The following COMMD1 variants were observed in gnomAD, a reference collection of about 807,000 sequenced individuals.
COMMD1 encodes the protein COMM domain-containing protein 1.
COMMD1 carries 10 observed loss-of-function variants against 17.2 expected under a neutral mutation model. The ratio of observed to expected loss-of-function variants is 0.58; its 90% CI spans 0.36 to 0.99. The LOEUF is 0.99. COMMD1 is among the 50% of genes least tolerant of loss of function. COMMD1 has a pLI of 0.01. For missense variants in COMMD1, 270 were observed against 231.8 expected (o/e 1.17, Z -1.07); for synonymous variants, 97 against 91.6 (o/e 1.06, Z -0.34).
At chr2:61,948,093 A>G (rs894880998) in intron 1 of COMMD1, among the ~76,000 whole-genome samples, 7 of 152,170 alleles carry the variant, frequency 4.6e-5, no homozygotes, top group African/African-American at 1.4e-4. Flanking sequence ...CTCTGAAGAC[A>G]TTGAAGACAT....
chr2:61,918,849 C>T (rs1670113302), intron 1 of COMMD1, among the ~76,000 whole-genome samples: 1 of 152,062 alleles, frequency 6.6e-6, no homozygotes, highest in Non-Finnish European at 1.5e-5. Flanking sequence ...AAAACACCCA[C>T]ATTTTTAGCT....
chr2:62,039,043 CTT>C (rs1165560938), intron 2 of COMMD1, among the ~76,000 whole-genome samples: 1 of 152,124 alleles, frequency 6.6e-6, no homozygotes, highest in African/African-American at 2.4e-5. Context: ...TTGGAGAAAA[CTT>C]TAACTTTCTC....
chr2:61,934,794 T>A (rs1211195711), intron 1 of COMMD1, among the ~76,000 whole-genome samples: 1 of 152,188 alleles, frequency 6.6e-6, no homozygotes, highest in Non-Finnish European at 1.5e-5. Context: ...TTCTTTTTTA[T>A]TTAAATTGAG....
chr2:62,059,504 C>CT (rs1421883507), intron 2 of COMMD1, among the ~76,000 whole-genome samples: 1 of 152,090 alleles, frequency 6.6e-6, no homozygotes, highest in East Asian at 1.9e-4. Flanking sequence ...AATACTCTAT[C>CT]TTGGAGTCTA....
chr2:62,024,342 G>A (rs1195356544), intron 2 of COMMD1, among the ~76,000 whole-genome samples: 1 of 152,068 alleles, frequency 6.6e-6, no homozygotes, highest in East Asian at 1.9e-4. Context: ...TCAGCCTACT[G>A]AGTAGCTGGG....
intron 2 of COMMD1, among the ~76,000 whole-genome samples, chr2:62,134,594 C>A (rs1558613591): frequency 6.7e-6 from 1 of 148,888 alleles, no homozygotes; most frequent in Non-Finnish European, 1.5e-5. Flanking sequence ...CCCCTACCCC[C>A]ATCTCTACAA....
intron 2 of COMMD1, among the ~76,000 whole-genome samples, chr2:62,003,233 A>G (rs1271517459): frequency 4.7e-5 from 7 of 150,534 alleles, no homozygotes; most frequent in Non-Finnish European, 4.4e-5. Flanking sequence ...GCTGTCTCAA[A>G]AAAAAAAAAC....
At chr2:61,906,222 G>A (rs1558516833) in intron 1 of COMMD1, among the ~76,000 whole-genome samples, 1 of 152,218 alleles carries the variant, frequency 6.6e-6, no homozygotes, top group Admixed American at 6.5e-5. Flanking sequence ...GGTTGTGGAA[G>A]TTGGGAGCGT....
chr2:61,911,042 C>T (rs559192288), intron 1 of COMMD1, among the ~76,000 whole-genome samples: 56 of 151,678 alleles, frequency 3.7e-4, no homozygotes, highest in African/African-American at 1.2e-3. Context: ...GAGATCGCGC[C>T]ATTGCACTCC....
At chr2:62,086,499 A>C (rs538584142) in intron 2 of COMMD1, among the ~76,000 whole-genome samples, 1 of 148,444 alleles carries the variant, frequency 6.7e-6, no homozygotes, top group African/African-American at 2.6e-5. Context: ...TGACTGAGCA[A>C]GACTCCGTCT....
chr2:62,086,764 G>A lies in COMMD1; in HGVS notation c.463-49067G>A, dbSNP rs140479645. 1.6e-3 allele frequency among the ~76,000 whole-genome samples: 236 copies of A among 152,168 alleles called. 2 individuals are homozygous for A. The highest frequency in any genetic ancestry group is 4.5e-3 in the African/African-American group (187 of 41,512). On this transcript the variant is annotated intron_variant, in intron 2 of 2. Coordinates refer to ENST00000311832, the MANE Select transcript of COMMD1 (RefSeq NM_152516.4). ...ACCTAGGATCCAGAACTTATTTTGG[G>A]TGCAGTTTACTTATACTGTTAACTC... is the stretch of plus-strand genomic sequence containing the variant.
chr2:62,037,713 G>C (rs1055078432), intron 2 of COMMD1, among the ~76,000 whole-genome samples: 1 of 152,166 alleles, frequency 6.6e-6, no homozygotes. Context: ...GGCCCTAATA[G>C]CCATTTTAGT....
At chr2:61,994,934 T>C (rs922297245) in intron 1 of COMMD1, among the ~76,000 whole-genome samples, 6 of 152,054 alleles carry the variant, frequency 3.9e-5, no homozygotes, top group African/African-American at 1.4e-4. Flanking sequence ...CCAGTCCCCA[T>C]GGCCACTAGC....
chr2:62,012,708 C>T (rs1436112262), intron 2 of COMMD1, among the ~76,000 whole-genome samples: 1 of 152,070 alleles, frequency 6.6e-6, no homozygotes, highest in Non-Finnish European at 1.5e-5. Flanking sequence ...TTTCAGCCCG[C>T]TGTCAGTAAG....
intron 1 of COMMD1, among the ~76,000 whole-genome samples, chr2:61,964,743 C>T (rs62149908): frequency 0.18 from 27,299 of 152,070 alleles, 3,069 homozygotes; most frequent in Middle Eastern, 0.3. Flanking sequence ...CATGGTGGCT[C>T]AGGCCTGTAA....
chr2:62,017,150 A>C (rs565552255), intron 2 of COMMD1, among the ~76,000 whole-genome samples: 5 of 152,330 alleles, frequency 3.3e-5, no homozygotes, highest in African/African-American at 1.2e-4. Context: ...AGAGTTATTA[A>C]CCTAAGTGGA....
chr2:62,075,541 A>G (rs1671315503), intron 2 of COMMD1, among the ~76,000 whole-genome samples: 2 of 152,222 alleles, frequency 1.3e-5, no homozygotes. Context: ...TCTGGATATA[A>G]TCATATGAGG....
chr2:62,011,287 C>G (rs1294157487), intron 2 of COMMD1, among the ~76,000 whole-genome samples: 1 of 152,156 alleles, frequency 6.6e-6, no homozygotes, highest in African/African-American at 2.4e-5. Flanking sequence ...GTGTACATGT[C>G]TGTGAAAACA....
At chr2:62,039,785 C>T (rs1670136219) in intron 2 of COMMD1, among the ~76,000 whole-genome samples, 1 of 152,138 alleles carries the variant, frequency 6.6e-6, no homozygotes, top group African/African-American at 2.4e-5. Flanking sequence ...TTATTTAAAG[C>T]TCTTTCTACT....
Sources: gnomAD v4.1 joint callset for allele counts (sites outside exome capture counted in the v4.1 genomes callset) on GRCh38, gnomAD v4.1.1 for gene constraint, MANE v1.5 for transcripts, NCBI Gene and HGNC (gene_info 2026-07-23, HGNC 2026-07-21) for gene names.